The following PSTPIP1 variants were observed in gnomAD, a reference collection of about 807,000 sequenced individuals.
The protein encoded by PSTPIP1 is proline-serine-threonine phosphatase-interacting protein 1.
A neutral mutation model predicts 69.6 loss-of-function variants in PSTPIP1; 66 were observed. That is an observed-to-expected ratio of 0.95 (90% CI 0.78 to 1.16). The LOEUF is 1.16. Among genes scored for constraint, PSTPIP1 ranks in the 50% most tolerant of loss-of-function variants. The pLI is 0.00. For missense variants in PSTPIP1, 603 were observed against 557.4 expected, an observed-to-expected ratio of 1.08 and a Z score of -0.82; for synonymous variants, 266 against 222.7, an observed-to-expected ratio of 1.19 and a Z score of -1.73.
At chr15:77,009,986 C>T (rs534113157) in intron 1 of PSTPIP1, among the ~76,000 whole-genome samples, 2 of 152,292 alleles carry the variant, frequency 1.3e-5, no homozygotes, top group Admixed American at 1.3e-4. Flanking sequence ...GGCAAGGAGC[C>T]GTGCTCTTCC....
intron 12 of PSTPIP1, among the ~76,000 whole-genome samples, chr15:77,033,544 C>T (rs1005881054): frequency 3.3e-5 from 5 of 152,174 alleles, no homozygotes; most frequent in Non-Finnish European, 5.9e-5. Flanking sequence ...AGGGAGCCCT[C>T]GTAGCCAGGC....
intron 10 of PSTPIP1, chr15:77,031,506 T>G: frequency 2.3e-6 from 1 of 430,402 alleles, no homozygotes; most frequent in Non-Finnish European, 4.3e-6. Flanking sequence ...GACTCTGTGG[T>G]TCCCCTGACT....
intron 11 of PSTPIP1, 184 bp from the exon 12 acceptor site, chr15:77,032,678 G>A (rs780532289): frequency 6.5e-5 from 41 of 633,040 alleles, no homozygotes; most frequent in South Asian, 2.4e-4. Flanking sequence ...ACTGGATCAC[G>A]GGTCCAGAAT....
intron 1 of PSTPIP1, among the ~76,000 whole-genome samples, chr15:77,011,424 G>A (rs2075932656): frequency 6.6e-6 from 1 of 152,240 alleles, no homozygotes; most frequent in African/African-American, 2.4e-5. Flanking sequence ...GGGCTGCTCA[G>A]GTGAGGGGCC....
At chr15:77,036,240 T>C (rs984251919) in intron 14 of PSTPIP1, among the ~76,000 whole-genome samples, 4 of 152,076 alleles carry the variant, frequency 2.6e-5, no homozygotes, top group Non-Finnish European at 5.9e-5. Context: ...AGCACACACG[T>C]GGAGCACATG....
In PSTPIP1 at chr15:77,025,334, T is replaced by TG; in HGVS notation, c.247+20dup. The TG allele has an allele frequency of 6.2e-7, 1 of 1,602,660 alleles. No homozygotes were observed. Among genetic ancestry groups the TG allele is most frequent in the Non-Finnish European group, 8.5e-7 (1 of 1,169,736 alleles). Reference sequence around the variant, plus strand: ...TTGAAGCAGCGTAAGTCCCCTACCCTGGGGCAATGGGATCTTTTGGGACTG... The same window carrying TG: ...TTGAAGCAGCGTAAGTCCCCTACCCTGGGGGCAATGGGATCTTTTGGGACTG... On this transcript the variant is annotated intron_variant, in intron 4 of 14. Transcript: ENST00000558012.
In PSTPIP1 at chr15:77,032,414, C is replaced by T. The variant is rs2076442586; in HGVS notation, c.838+20C>T. On this transcript the variant is annotated intron_variant, in intron 11 of 14. Coordinates refer to ENST00000558012, the MANE Select transcript of PSTPIP1 (RefSeq NM_003978.5). ...CCCCCGGTGAGGTCCGGCTTGCGGA[C>T]AGCGCAGCCTCTAGGTGCATTGAGC... is the stretch of plus-strand genomic sequence containing the variant. 6.2e-7 allele frequency: 1 copy of T among 1,611,436 alleles called. No individual in the cohort carries two copies. The highest frequency in any genetic ancestry group is 8.5e-7 in the Non-Finnish European group (1 of 1,178,916).
intron 1 of PSTPIP1, among the ~76,000 whole-genome samples, chr15:77,008,904 C>T (rs561315173): frequency 2.0e-4 from 30 of 152,274 alleles, no homozygotes; most frequent in African/African-American, 6.7e-4. Context: ...CAGAGCAGGG[C>T]GATTTCCCAG....
At chr15:76,997,197 C>T (rs1359346162) in intron 1 of PSTPIP1, among the ~76,000 whole-genome samples, 1 of 152,222 alleles carries the variant, frequency 6.6e-6, no homozygotes, top group Non-Finnish European at 1.5e-5. Flanking sequence ...ACTCTGTGCT[C>T]GTCGCACCTC....
At chr15:77,032,542 TG>T in intron 11 of PSTPIP1, 148 bp downstream of exon 11, 1 of 786,618 alleles carries the variant, frequency 1.3e-6, no homozygotes. Flanking sequence ...TGTGGGGAGT[TG>T]GGTCCCAGGC....
rs1356675470 is a variant in PSTPIP1 at position 77,027,711 on chromosome 15, G to A, written c.355-141G>A. 1.7e-5 allele frequency: 16 copies of A among 919,734 alleles called. No homozygotes were observed. The Admixed American group carries it at 3.2e-4, about 19-fold the overall frequency. 57.0% of individuals were successfully genotyped at this position (919,734 alleles called of 1,614,324 possible). A position where few individuals can be genotyped will look rare whatever the true frequency, so the allele number is the denominator to read the frequency against. On this transcript the variant is annotated intron_variant, in intron 5 of 14. Transcript: ENST00000558012. This position sits in a 1 kb window ranked among gnomAD's most constrained non-coding sequence, Gnocchi z 4.3. ...GGGTCACTGTGAAGCAGCAGGCTCT[G>A]GGGGAGGGAGGGCAGCCTGTCACCC...
At chr15:77,002,247 C>T (rs1596045404) in intron 1 of PSTPIP1, among the ~76,000 whole-genome samples, 2 of 152,314 alleles carry the variant, frequency 1.3e-5, no homozygotes, top group South Asian at 2.1e-4. Flanking sequence ...GGGACTCCCA[C>T]CTAGGTCTGT....
At chr15:77,011,892 G>C (rs536240279) in intron 1 of PSTPIP1, among the ~76,000 whole-genome samples, 2 of 151,996 alleles carry the variant, frequency 1.3e-5, no homozygotes, top group African/African-American at 4.8e-5. Context: ...CATTGTCCTG[G>C]AGTTGGCCTC....
At position 77,011,141 on chromosome 15, in the gene PSTPIP1, C is replaced by A. The variant is rs150850150; in HGVS notation, c.37-7007C>A. On this transcript the variant is annotated intron_variant, in intron 1 of 14. Coordinates refer to ENST00000558012, the MANE Select transcript of PSTPIP1 (RefSeq NM_003978.5). ...AGACAGACCTTGGTCAAAAGCCAGA[C>A]GCCCCACAACATTAGAGAGAGTCAC... Among the ~76,000 whole-genome samples, 864 of 152,358 alleles carry A rather than the reference C, an allele frequency of 5.7e-3. 28 individuals carry two copies. The highest frequency in any genetic ancestry group is 0.044 in the Admixed American group (678 of 15,296).
intron 10 of PSTPIP1, among the ~76,000 whole-genome samples, chr15:77,031,987 G>A (rs1480913726): frequency 6.6e-6 from 1 of 152,216 alleles, no homozygotes; most frequent in Non-Finnish European, 1.5e-5. Flanking sequence ...AGGCCTGGCT[G>A]TGCTGCATTC....
At chr15:77,017,689 G>A (rs2076078984) in intron 1 of PSTPIP1, among the ~76,000 whole-genome samples, 1 of 152,210 alleles carries the variant, frequency 6.6e-6, no homozygotes, top group South Asian at 2.1e-4. Context: ...GGCCAGGCCA[G>A]CCACTTTCCA....
rs908314386 is a variant in PSTPIP1 at position 77,030,474 on chromosome 15, C to T, written c.563-28C>T. On this transcript the variant is annotated intron_variant, in intron 8 of 14. Coordinates refer to ENST00000558012, the MANE Select transcript of PSTPIP1 (RefSeq NM_003978.5). The stretch of plus-strand genomic sequence containing the variant: ...AGGGGTGGAGGAGCTCGTGTCAGGG[C>T]CCTCCCTGAGGCTGCCTGCGCTTTC... The T allele has an allele frequency of 2.5e-6, 4 of 1,605,358 alleles. No homozygotes were observed. The Admixed American group carries it at 5.1e-5, about 20-fold the overall frequency.
chr15:77,014,663 G>T (rs750291257), intron 1 of PSTPIP1, among the ~76,000 whole-genome samples: 2 of 152,218 alleles, frequency 1.3e-5, no homozygotes, highest in Non-Finnish European at 2.9e-5. Flanking sequence ...GGGGGAAGTG[G>T]CGGTAGTTAC....
At chr15:77,031,466 G>T in intron 10 of PSTPIP1, 188 bp downstream of exon 10, 1 of 524,444 alleles carries the variant, frequency 1.9e-6, no homozygotes, top group Non-Finnish European at 3.4e-6. Context: ...GTACCACACA[G>T]GGCCATGGCT....
Sources: gnomAD v4.1 joint callset for allele counts (sites outside exome capture counted in the v4.1 genomes callset) on GRCh38, gnomAD v4.1.1 for gene constraint, Gnocchi (gnomAD v3.1) non-coding constraint, MANE v1.5 for transcripts, NCBI Gene and HGNC (gene_info 2026-07-23, HGNC 2026-07-21) for gene names.